ACSM6: variants seen among roughly 807,000 people sequenced by gnomAD.
The protein encoded by ACSM6 is acyl-coenzyme A synthetase ACSM6, mitochondrial.
In ACSM6, 35 loss-of-function variants were observed where a neutral mutation model predicts 51.1. That is an observed-to-expected ratio of 0.69 (90% CI 0.52 to 0.91). ACSM6 has a LOEUF of 0.91. ACSM6 is among the 40% of genes least tolerant of loss of function. ACSM6 has a pLI of 0.00. For synonymous variants in ACSM6, 172 were observed against 207.3 expected (o/e 0.83, Z 1.46); for missense variants, 509 against 584.1 (o/e 0.87, Z 1.32).
At chr10:95,196,418 C>T (rs535133514) in intron 2 of ACSM6, among the ~76,000 whole-genome samples, 5 of 152,182 alleles carry the variant, frequency 3.3e-5, no homozygotes, top group East Asian at 1.9e-4. Context: ...GTGCCCAAAA[C>T]GTCAGTCAGC....
intron 2 of ACSM6, 191 bp from the exon 3 acceptor site, chr10:95,201,794 C>A: frequency 1.6e-6 from 1 of 611,964 alleles, no homozygotes; most frequent in African/African-American, 1.8e-5. Flanking sequence ...TATGTTGAAA[C>A]CTACCAGTAC....
intron 2 of ACSM6, among the ~76,000 whole-genome samples, chr10:95,197,235 G>C (rs1306987278): frequency 6.6e-6 from 1 of 152,166 alleles, no homozygotes; most frequent in African/African-American, 2.4e-5. Flanking sequence ...GGTATTTCTA[G>C]TCGGGTGGGA....
Position 95,198,334 on chromosome 10 carries a change from G to C in ACSM6, c.193-3651G>C, listed in dbSNP as rs114882065. Among the ~76,000 whole-genome samples, 505 of 152,202 alleles carry C rather than the reference G, an allele frequency of 3.3e-3. 3 individuals are homozygous for C. Among genetic ancestry groups the C allele is most frequent in the African/African-American group, 0.012 (489 of 41,544 alleles). ...TGTGAGCAGAGTTCTTACTTGGGTCGCACAAAGATATTATAGAACAAAAAT... is the reference window on the plus strand; with the variant it reads ...TGTGAGCAGAGTTCTTACTTGGGTCCCACAAAGATATTATAGAACAAAAAT... On this transcript the variant is annotated intron_variant, in intron 2 of 10. Coordinates refer to ENST00000341686, the Ensembl canonical transcript of ACSM6.
chr10:95,212,075 C>CAGA (rs1333798966), intron 6 of ACSM6, 41 bp downstream of exon 6: 2 of 1,609,744 alleles, frequency 1.2e-6, no homozygotes, highest in East Asian at 4.5e-5. Flanking sequence ...GGACAAAGGC[C>CAGA]AGAGAGAGGC....
At chr10:95,212,176 C>A in intron 6 of ACSM6, 142 bp downstream of exon 6, 1 of 984,668 alleles carries the variant, frequency 1.0e-6, no homozygotes, top group Non-Finnish European at 1.5e-6. Flanking sequence ...GCTCTCCCTG[C>A]TTGTGAGAGC....
At chr10:95,217,144 T>C (rs894749367) in intron 8 of ACSM6, among the ~76,000 whole-genome samples, 3 of 150,742 alleles carry the variant, frequency 2.0e-5, no homozygotes, top group Non-Finnish European at 4.4e-5. Context: ...GGTCAAGAGA[T>C]TGAGACCATC....
exon 5 of ACSM6, chr10:95,210,779 C>T: frequency 6.2e-7 from 1 of 1,613,732 alleles, no homozygotes; most frequent in Non-Finnish European, 8.5e-7. Context: ...GAATGGGATT[C>T]AGCCAGGCTT....
intron 9 of ACSM6, among the ~76,000 whole-genome samples, chr10:95,223,749 C>T (rs1409822582): frequency 6.6e-6 from 1 of 151,988 alleles, no homozygotes; most frequent in Non-Finnish European, 1.5e-5. Flanking sequence ...TGAAAGTGCT[C>T]CCACTGAGAT....
At chr10:95,211,298 A>G (rs2034890686) in intron 5 of ACSM6, among the ~76,000 whole-genome samples, 1 of 152,232 alleles carries the variant, frequency 6.6e-6, no homozygotes, top group South Asian at 2.1e-4. Context: ...ACTGATTTCA[A>G]TCTCTTTGGT....
chr10:95,223,159 G>GACACAC lies in ACSM6; in HGVS notation c.1201-2104_1201-2099dup, dbSNP rs10572248. Reference sequence around the variant, plus strand: ...CCTATCCAAAACACGCACACATACAGACACACACACACACACACACACACA... The same window carrying GACACAC: ...CCTATCCAAAACACGCACACATACAGACACACACACACACACACACACACACACACA... On this transcript the variant is annotated intron_variant, in intron 9 of 10. Coordinates refer to ENST00000341686, the Ensembl canonical transcript of ACSM6. 3.4e-3 allele frequency among the ~76,000 whole-genome samples: 495 copies of GACACAC among 146,882 alleles called. 3 individuals are homozygous for GACACAC. The highest frequency in any genetic ancestry group is 7.0e-3 in the Middle Eastern group (2 of 286).
intron 10 of ACSM6, among the ~76,000 whole-genome samples, chr10:95,227,067 A>G (rs1437556757): frequency 2.0e-5 from 3 of 151,158 alleles, no homozygotes; most frequent in Admixed American, 6.6e-5. Context: ...GCTCACTGCA[A>G]CCTCCACCTC....
intron 9 of ACSM6, among the ~76,000 whole-genome samples, chr10:95,223,226 C>A (rs1044352297): frequency 1.3e-5 from 2 of 151,346 alleles, no homozygotes; most frequent in African/African-American, 4.9e-5. Flanking sequence ...AATGGCTTTG[C>A]GGTGAATTCT....
intron 4 of ACSM6, among the ~76,000 whole-genome samples, chr10:95,208,970 G>GA (rs2034869097): frequency 1.4e-5 from 1 of 71,736 alleles, no homozygotes; most frequent in African/African-American, 4.8e-5. Context: ...AGCAGTAAAC[G>GA]AGACAGTCAA....
At chr10:95,228,472 A>G (rs1201268348) in intron 10 of ACSM6, 172 bp from the exon 11 acceptor site, 4 of 584,132 alleles carry the variant, frequency 6.8e-6, no homozygotes, top group Non-Finnish European at 8.1e-6. Flanking sequence ...AGAAATGACC[A>G]AGGAAAGTTC....
chr10:95,206,458 T>C (rs1203069498), intron 3 of ACSM6, among the ~76,000 whole-genome samples: 6 of 152,192 alleles, frequency 3.9e-5, no homozygotes, highest in Non-Finnish European at 8.8e-5. Flanking sequence ...CAATGACATT[T>C]TATGATGCCC....
chr10:95,225,251 T>G (rs948769647), intron 9 of ACSM6, 39 bp from the exon 10 acceptor site: 2 of 1,402,022 alleles, frequency 1.4e-6, no homozygotes, highest in African/African-American at 2.9e-5. Context: ...GCACAAGTGG[T>G]TTGTAAGGAA....
At chr10:95,209,880 TATAA>T (rs1278662852) in intron 4 of ACSM6, among the ~76,000 whole-genome samples, 4 of 152,154 alleles carry the variant, frequency 2.6e-5, no homozygotes, top group African/African-American at 9.7e-5. Context: ...TGCCTATTTT[TATAA>T]ATAAAGTTTT....
At chr10:95,228,591 A>C in intron 10 of ACSM6, 53 bp from the exon 11 acceptor site, 2 of 1,523,396 alleles carry the variant, frequency 1.3e-6, no homozygotes, top group South Asian at 2.5e-5. Context: ...CATATCACTA[A>C]ATGATTGTGA....
intron 8 of ACSM6, among the ~76,000 whole-genome samples, chr10:95,219,377 AG>A (rs201059834): frequency 6.6e-6 from 1 of 150,778 alleles, no homozygotes; most frequent in Non-Finnish European, 1.5e-5. Flanking sequence ...TTTAAAAAAA[AG>A]GCACTAAAAA....
Sources: allele counts gnomAD v4.1 joint callset (sites outside exome capture counted in the v4.1 genomes callset), GRCh38; gene constraint gnomAD v4.1.1; transcripts MANE v1.5; gene names NCBI Gene and HGNC (gene_info 2026-07-23, HGNC 2026-07-21).